RASAL2: variants seen among roughly 807,000 people sequenced by gnomAD.
RASAL2 encodes ras GTPase-activating protein nGAP.
In RASAL2, 58 loss-of-function variants were observed where a neutral mutation model predicts 128.9. The ratio of observed to expected loss-of-function variants is 0.45; its 90% CI spans 0.36 to 0.56. The LOEUF is 0.56. Ranked by LOEUF, RASAL2 falls within the 20% of genes least tolerant of loss-of-function variation. RASAL2 has a pLI of 0.00. For missense variants in RASAL2, 1,360 were observed against 1,601.6 expected (o/e 0.85, Z 2.57); for synonymous variants, 561 against 580.8 (o/e 0.97, Z 0.49).
chr1:178,237,176 A>T (rs920095646), intron 1 of RASAL2, among the ~76,000 whole-genome samples: 1 of 151,946 alleles, frequency 6.6e-6, no homozygotes, highest in Non-Finnish European at 1.5e-5. Flanking sequence ...AGTTTCAGTT[A>T]CTTCTCCAAG....
intron 1 of RASAL2, among the ~76,000 whole-genome samples, chr1:178,247,585 CTTAG>C (rs894806799): frequency 2.5e-4 from 38 of 152,010 alleles, no homozygotes; most frequent in African/African-American, 9.2e-4. Flanking sequence ...CTGCACTGAT[CTTAG>C]TTATTTATTG....
Position 178,444,234 on chromosome 1 carries a change from G to A in RASAL2, c.1482+1005G>A, listed in dbSNP as rs143265304. ...TTTAAATGACTTAATACTGATTTAC[G>A]TACATTTTAGGTAGAATAAACACCC... is the stretch of plus-strand genomic sequence containing the variant. On this transcript the variant is annotated intron_variant, in intron 8 of 17. Transcript: ENST00000367649. 2.6e-4 allele frequency among the ~76,000 whole-genome samples: 39 copies of A among 152,102 alleles called. No individual in the cohort carries two copies. The East Asian group carries it at 5.0e-3, about 20-fold the overall frequency.
chr1:178,125,790 C>A (rs866727269), intron 1 of RASAL2, among the ~76,000 whole-genome samples: 4 of 152,102 alleles, frequency 2.6e-5, no homozygotes, highest in Admixed American at 6.6e-5. Flanking sequence ...ACATTTTAGA[C>A]TAATTGCGTA....
At chr1:178,353,843 C>G (rs1421170603) in intron 3 of RASAL2, among the ~76,000 whole-genome samples, 2 of 152,108 alleles carry the variant, frequency 1.3e-5, no homozygotes, top group Non-Finnish European at 2.9e-5. Flanking sequence ...GTGGCTCATG[C>G]CTGTAGTCCC....
chr1:178,411,956 C>A (rs1256740419), intron 4 of RASAL2: 1 of 558,106 alleles, frequency 1.8e-6, no homozygotes, highest in Non-Finnish European at 3.1e-6. Flanking sequence ...AGGACATCAC[C>A]CCCCATCCCC....
chr1:178,338,586 G>GA (rs1436708752), intron 3 of RASAL2, among the ~76,000 whole-genome samples: 4 of 151,888 alleles, frequency 2.6e-5, no homozygotes, highest in Non-Finnish European at 4.4e-5. Context: ...TCATAACTAA[G>GA]AAAAAAAATC....
intron 1 of RASAL2, among the ~76,000 whole-genome samples, chr1:178,151,966 A>G (rs1660928799): frequency 6.6e-6 from 1 of 152,200 alleles, no homozygotes; most frequent in Non-Finnish European, 1.5e-5. Flanking sequence ...CCTGGCACAG[A>G]GTTCCTTGAA....
At chr1:178,464,057 T>C (rs1647383080) in intron 14 of RASAL2, among the ~76,000 whole-genome samples, 1 of 152,230 alleles carries the variant, frequency 6.6e-6, no homozygotes, top group Non-Finnish European at 1.5e-5. Flanking sequence ...CTCTTGGATA[T>C]GATATATGCA....
intron 1 of RASAL2, among the ~76,000 whole-genome samples, chr1:178,251,343 A>G (rs988608257): frequency 6.6e-6 from 1 of 152,246 alleles, no homozygotes. Flanking sequence ...TTAACTAGCA[A>G]TCCAAAATTA....
At chr1:178,215,000 G>C (rs1351763319) in intron 1 of RASAL2, among the ~76,000 whole-genome samples, 2 of 152,228 alleles carry the variant, frequency 1.3e-5, no homozygotes, top group Non-Finnish European at 2.9e-5. Context: ...GGGGAACTTT[G>C]CTGTTGCTGT....
rs189990726 is a variant in RASAL2 at position 178,154,123 on chromosome 1, A to G, written c.202+59429A>G. The stretch of plus-strand genomic sequence containing the variant: ...AGTGCTGGGATTACAGGTGTGAGCC[A>G]TCGTGCATGGCCTGATTGATTTTTT... On this transcript the variant is annotated intron_variant, in intron 1 of 17. Coordinates refer to ENST00000367649, the MANE Select transcript of RASAL2 (RefSeq NM_170692.4). Among the ~76,000 whole-genome samples, 971 of 150,924 alleles carry G rather than the reference A, an allele frequency of 6.4e-3. 3 individuals are homozygous for G. The highest frequency in any genetic ancestry group is 0.025 in the South Asian group (118 of 4,768).
At chr1:178,467,291 C>T (rs1558014583) in intron 16 of RASAL2, 43 bp from the exon 17 acceptor site, 2 of 1,527,066 alleles carry the variant, frequency 1.3e-6, no homozygotes, top group Non-Finnish European at 1.8e-6. Flanking sequence ...CTAGCTAGCC[C>T]TTTCTTTGAA....
At chr1:178,297,144 AAAAT>A (rs1667554047) in intron 2 of RASAL2, among the ~76,000 whole-genome samples, 1 of 152,206 alleles carries the variant, frequency 6.6e-6, no homozygotes, top group African/African-American at 2.4e-5. Context: ...ATGAACTAGT[AAAAT>A]AAATTACGAC....
At chr1:178,347,330 CT>C (rs1006935276) in intron 3 of RASAL2, among the ~76,000 whole-genome samples, 3 of 152,182 alleles carry the variant, frequency 2.0e-5, no homozygotes, top group African/African-American at 4.8e-5. Context: ...CTCTTTCCCC[CT>C]ATCAGACCTG....
intron 4 of RASAL2, among the ~76,000 whole-genome samples, chr1:178,394,750 A>G (rs1673114029): frequency 6.6e-6 from 1 of 152,194 alleles, no homozygotes; most frequent in African/African-American, 2.4e-5. Context: ...CAGAAAGCAT[A>G]ATTGAACTAA....
chr1:178,301,018 G>A (rs998637701), intron 3 of RASAL2, among the ~76,000 whole-genome samples: 1 of 152,166 alleles, frequency 6.6e-6, no homozygotes, highest in Non-Finnish European at 1.5e-5. Flanking sequence ...TAAAATCATG[G>A]TTTGGTTTGG....
intron 2 of RASAL2, among the ~76,000 whole-genome samples, chr1:178,297,634 G>T (rs933387696): frequency 7.0e-6 from 1 of 142,742 alleles, no homozygotes; most frequent in Admixed American, 7.0e-5. Flanking sequence ...AAAAACTTAA[G>T]AAATGCAATT....
At chr1:178,103,106 AT>A (rs1658964151) in intron 1 of RASAL2, among the ~76,000 whole-genome samples, 1 of 152,014 alleles carries the variant, frequency 6.6e-6, no homozygotes, top group African/African-American at 2.4e-5. Context: ...GTATATATGC[AT>A]TTTTCTCTAT....
intron 1 of RASAL2, among the ~76,000 whole-genome samples, chr1:178,234,983 C>A (rs746000917): frequency 2.6e-5 from 4 of 152,234 alleles, no homozygotes; most frequent in Non-Finnish European, 4.4e-5. Flanking sequence ...TGTTCCTTTG[C>A]TCAGTGAATT....
Sources: gnomAD v4.1 joint callset for allele counts (sites outside exome capture counted in the v4.1 genomes callset) on GRCh38, gnomAD v4.1.1 for gene constraint, MANE v1.5 for transcripts, NCBI Gene and HGNC (gene_info 2026-07-23, HGNC 2026-07-21) for gene names.